FER1L5: variants seen among roughly 807,000 people sequenced by gnomAD.
The protein encoded by FER1L5 is fer-1 like family member 5, also known as fer-1-like protein 5.
Under a neutral mutation model 279.9 loss-of-function variants are expected in FER1L5, and 187 were observed. The observed-to-expected ratio is 0.67, with a 90% CI of 0.59 to 0.75. The LOEUF (loss-of-function observed/expected upper bound fraction) is 0.75, where lower values mean the gene tolerates loss of function less well. Among genes scored for constraint, FER1L5 ranks in the 30% least tolerant of loss-of-function variants. The pLI is 0.00. For missense variants in FER1L5, 2,091 were observed against 2,594.4 expected, an observed-to-expected ratio of 0.81 and a Z score of 4.21; for synonymous variants, 921 against 989.7, an observed-to-expected ratio of 0.93 and a Z score of 1.30.
At chr2:96,696,417 T>A (rs1396462195) in intron 37 of FER1L5, among the ~76,000 whole-genome samples, 1 of 152,074 alleles carries the variant, frequency 6.6e-6, no homozygotes, top group East Asian at 1.9e-4. Context: ...CTCAGCCTCT[T>A]GAGCAGCTGG....
rs1343468961 is a variant in FER1L5 at position 96,691,450 on chromosome 2, G to A, written c.2913G>A (p.Leu971=). Reference sequence around the variant, plus strand: ...TGCTCTCCTCCCCACCACAGGGCCTGGCCAAGGGCGAGGAGGAGGGCTGGG... The same window carrying A: ...TGCTCTCCTCCCCACCACAGGGCCTAGCCAAGGGCGAGGAGGAGGGCTGGG... The part of the protein sequence containing the change: ...QETLSFLQLG[L]AKGEEEGWEY... Residue 971 remains leucine (L), a synonymous_variant, in exon 29 of 53, where the codon CTG becomes CTA. Transcript: ENST00000624922. The surrounding 1 kb of genome is among the most constrained non-coding windows in gnomAD (Gnocchi z 6.0). 6.5e-7 allele frequency: 1 copy of A among 1,540,724 alleles called. No homozygotes were observed.
chr2:96,657,010 G>A (rs2106479492), intron 9 of FER1L5, among the ~76,000 whole-genome samples: 1 of 150,228 alleles, frequency 6.7e-6, no homozygotes, highest in South Asian at 2.1e-4. Flanking sequence ...TGGATCTGTT[G>A]CTTCATTGGG....
In FER1L5 at chr2:96,704,709, G is replaced by C. The variant is rs763517406; in HGVS notation, c.*17G>C. The C allele has an allele frequency of 6.2e-7, 1 of 1,607,214 alleles. No individual in the cohort carries two copies. Among genetic ancestry groups the C allele is most frequent in the South Asian group, 1.1e-5 (1 of 90,866 alleles). On this transcript the variant is annotated 3_prime_UTR_variant, in exon 53 of 53. Transcript: ENST00000624922. ...GGAGACTAATTAGTCCATGCTGCCT[G>C]GCTTTCCTCCTGCTACCAACAGCCC...
Position 96,647,757 on chromosome 2 carries a change from A to G in FER1L5, c.231-21A>G, listed in dbSNP as rs563000521. 2.6e-6 allele frequency: 4 copies of G among 1,532,464 alleles called. No homozygotes were observed. In the South Asian group the frequency reaches 4.8e-5, roughly 18 times the overall value. 94.9% of individuals were successfully genotyped at this position (1,532,464 alleles called of 1,614,324 possible). A position where few individuals can be genotyped will look rare whatever the true frequency, so the allele number is the denominator to read the frequency against. On this transcript the variant is annotated intron_variant, in intron 3 of 52. Coordinates refer to ENST00000624922, the MANE Select transcript of FER1L5 (RefSeq NM_001293083.2). ...TCTTTCCCCTGGCTCAGGATCTCAC[A>G]TCTGCTCCTTGTCTCCCCAGATTCA...
Position 96,695,615 on chromosome 2 carries a change from C to G in FER1L5, c.3848C>G (p.Thr1283Ser), listed in dbSNP as rs1446614231. The G allele has an allele frequency of 1.2e-6, 2 of 1,604,048 alleles. No individual in the cohort carries two copies. Among genetic ancestry groups the G allele is most frequent in the Admixed American group, 3.4e-5 (2 of 58,422 alleles). The change falls in exon 35 of 53, where the codon ACC becomes AGC. Residue 1283 changes from threonine (T) to serine (S), a missense_variant. Thr to Ser is a moderately conservative substitution (Grantham distance 58). Transcript: ENST00000624922. ...ACAGAACCCATCAGGGACTTTCAGACCAACCCCAACTTCCCCGAGTCTGAG... is the reference window on the plus strand; with the variant it reads ...ACAGAACCCATCAGGGACTTTCAGAGCAACCCCAACTTCCCCGAGTCTGAG... ...LRTEPIRDFQ[T>S]NPNFPESESV...
At chr2:96,673,403 A>G in intron 19 of FER1L5, 149 bp downstream of exon 19, 1 of 849,582 alleles carries the variant, frequency 1.2e-6, no homozygotes, top group Non-Finnish European at 1.6e-6. Context: ...CAGGGAGGTG[A>G]AGTCATTTGC....
At chr2:96,686,407 C>T in intron 23 of FER1L5, 57 bp downstream of exon 23, 2 of 1,504,904 alleles carry the variant, frequency 1.3e-6, no homozygotes, top group East Asian at 2.5e-5. Context: ...CCCAGGGGAG[C>T]CCCCTGAACT....
At position 96,642,791 on chromosome 2, in the gene FER1L5, G is replaced by A. The variant is rs1413489909; in HGVS notation, c.-46G>A. 3.3e-6 allele frequency: 5 copies of A among 1,535,720 alleles called. No homozygotes were observed. The highest frequency in any genetic ancestry group is 4.4e-6 in the Non-Finnish European group (5 of 1,136,942). ...TGGACTGAGGAGCTCCAAAAAGGAA[G>A]CTGTGGCGCTGCGTAGGGAAGGAGG... On this transcript the variant is annotated 5_prime_UTR_variant, in exon 1 of 53. Transcript: ENST00000624922.
intron 10 of FER1L5, among the ~76,000 whole-genome samples, chr2:96,661,110 G>A (rs2075938254): frequency 6.6e-6 from 1 of 152,114 alleles, no homozygotes; most frequent in African/African-American, 2.4e-5. Context: ...CATAAACAGG[G>A]GTCCCTGTTT....
At chr2:96,653,523 T>C in intron 7 of FER1L5, 117 bp from the exon 8 acceptor site, 1 of 818,112 alleles carries the variant, frequency 1.2e-6, no homozygotes, top group Non-Finnish European at 2.1e-6. Context: ...TGTAAACCCA[T>C]TGAAATGGGT....
At position 96,673,119 on chromosome 2, in the gene FER1L5, C is replaced by G; in HGVS notation, c.1534C>G (p.Leu512Val). ...RQKYGLCVIF[L>V]SCTMMPNFKE... Reference sequence around the variant, plus strand: ...AAAGTATGGGCTGTGCGTCATCTTCCTTTCCTGTACCATGATGCCCAACTT... The same window carrying G: ...AAAGTATGGGCTGTGCGTCATCTTCGTTTCCTGTACCATGATGCCCAACTT... The change falls in exon 19 of 53, where the codon CTT becomes GTT. Residue 512 changes from leucine (L) to valine (V), a missense_variant. Transcript: ENST00000624922. The G allele has an allele frequency of 6.4e-7, 1 of 1,551,602 alleles. No individual in the cohort carries two copies. The highest frequency in any genetic ancestry group is 1.7e-4 in the Middle Eastern group (1 of 5,988).
intron 9 of FER1L5, among the ~76,000 whole-genome samples, chr2:96,659,365 CT>C (rs1257222383): frequency 7.3e-5 from 1 of 13,694 alleles, no homozygotes; most frequent in Non-Finnish European, 1.1e-4. Context: ...TTCCTTCCTT[CT>C]TTCTTTCTTT....
chr2:96,672,963 A>G, intron 18 of FER1L5, 114 bp from the exon 19 acceptor site: 1 of 1,332,628 alleles, frequency 7.5e-7, no homozygotes, highest in Non-Finnish European at 1.0e-6. Context: ...TTTGAGAGGG[A>G]GAGAAGGGAA....
rs764825521 is a variant in FER1L5 at position 96,699,531 on chromosome 2, TCCAACACCTCACC to T, written c.4611-16_4611-4del. On this transcript the variant is annotated splice_polypyrimidine_tract_variant and splice_region_variant and intron_variant, in intron 42 of 52. Coordinates refer to ENST00000624922, the MANE Select transcript of FER1L5 (RefSeq NM_001293083.2). ...GACATTGCCCACATCCTCTGCAGTC[TCCAACACCTCACC>T]CCTAGGATGTTTGAACTCACCTGCA... 6.2e-7 allele frequency: 1 copy of T among 1,608,780 alleles called. No homozygotes were observed. Among genetic ancestry groups the T allele is most frequent in the South Asian group, 1.1e-5 (1 of 90,656 alleles).
Position 96,661,326 on chromosome 2 carries a change from T to A in FER1L5, c.780T>A (p.Gly260=). 1.9e-6 allele frequency: 3 copies of A among 1,539,100 alleles called. No individual in the cohort carries two copies. Among genetic ancestry groups the A allele is most frequent in the Non-Finnish European group, 2.6e-6 (3 of 1,141,168 alleles). The change falls in exon 11 of 53, where the codon GGT becomes GGA. Residue 260 remains glycine (G), a splice_region_variant and synonymous_variant. Coordinates refer to ENST00000624922, the MANE Select transcript of FER1L5 (RefSeq NM_001293083.2). ...CCCATGGCCTTTCTGCCTCTCTAGG[T>A]CACACACTCCTAAGGAAATGGCTAG... ...TDIGFIYHSP[G]HTLLRKWLGL...
At chr2:96,654,002 A>T in intron 8 of FER1L5, 1 of 431,534 alleles carries the variant, frequency 2.3e-6, no homozygotes, top group Non-Finnish European at 4.1e-6. Flanking sequence ...AGAATACTCC[A>T]TTCCCTAACC....
chr2:96,671,127 A>AAAAAAAAAAAAAAAAAAC (rs2076314788), intron 18 of FER1L5, among the ~76,000 whole-genome samples: 1 of 150,624 alleles, frequency 6.6e-6, no homozygotes. Flanking sequence ...AAAAAAAAAA[A>AAAAAAAAAAAAAAAAAAC]AGGAATCCCT....
chr2:96,695,698 T>A (rs763634223), intron 35 of FER1L5, 37 bp downstream of exon 35: 5 of 1,607,456 alleles, frequency 3.1e-6, no homozygotes, highest in Non-Finnish European at 4.2e-6. Flanking sequence ...GCAGCCCTCT[T>A]CTTCTGTGGG....
At chr2:96,685,523 G>T in intron 21 of FER1L5, 94 bp downstream of exon 21, 1 of 1,027,298 alleles carries the variant, frequency 9.7e-7, no homozygotes, top group Non-Finnish European at 1.4e-6. Flanking sequence ...ACCTCCCCCC[G>T]CCCTCCTCGG....
Sources: gnomAD v4.1 joint callset for allele counts (sites outside exome capture counted in the v4.1 genomes callset) on GRCh38, gnomAD v4.1.1 for gene constraint, Gnocchi (gnomAD v3.1) non-coding constraint, MANE v1.5 for transcripts, NCBI Gene and HGNC (gene_info 2026-07-23, HGNC 2026-07-21) for gene names.